The following MRGPRE variants were observed in gnomAD, a reference collection of about 807,000 sequenced individuals.
The protein encoded by MRGPRE is MAS related GPR family member E.
For missense variants in MRGPRE, 466 were observed against 433.4 expected, an observed-to-expected ratio of 1.08 and a Z score of -0.67; for synonymous variants, 229 against 206.7, an observed-to-expected ratio of 1.11 and a Z score of -0.92.
At position 3,231,846 on chromosome 11, in the gene MRGPRE, A is replaced by G. The variant is rs1157621651; in HGVS notation, c.-62+295T>C. Among the ~76,000 whole-genome samples the G allele has an allele frequency of 6.6e-6, 1 of 151,672 alleles. No individual in the cohort carries two copies. The highest frequency in any genetic ancestry group is 1.5e-5 in the Non-Finnish European group (1 of 67,880). On this transcript the variant is annotated intron_variant, in intron 1 of 1. Transcript: ENST00000389832. This position sits in a 1 kb window ranked among gnomAD's most constrained non-coding sequence, Gnocchi z 4.7. ...AGTCTGCACCTGCAGGGAACACTCT[A>G]GATCATGGAGGAAGCAAGGCAGACA... is the stretch of plus-strand genomic sequence containing the variant.
rs548949530 is a variant in MRGPRE at position 3,231,576 on chromosome 11, C to A, written c.-62+565G>T. Among the ~76,000 whole-genome samples the A allele has an allele frequency of 1.2e-5, 1 of 84,494 alleles. No homozygotes were observed. Among genetic ancestry groups the A allele is most frequent in the Non-Finnish European group, 2.2e-5 (1 of 44,674 alleles). 55.4% of individuals were successfully genotyped at this position (84,494 alleles called of 152,430 possible). A position where few individuals can be genotyped will look rare whatever the true frequency, so the allele number is the denominator to read the frequency against. On this transcript the variant is annotated intron_variant, in intron 1 of 1. Transcript: ENST00000389832. This position sits in a 1 kb window ranked among gnomAD's most constrained non-coding sequence, Gnocchi z 4.7. Reference sequence around the variant, plus strand: ...GAGGGAGGAGAAGGAGGGGAGGAGGCGGGGGAGGACGATGGAAGAGAACAG... The same window carrying A: ...GAGGGAGGAGAAGGAGGGGAGGAGGAGGGGGAGGACGATGGAAGAGAACAG...
rs1416019620 is a variant in MRGPRE, at chr11:3,225,549, G to A, written c.*2312C>T. Among the ~76,000 whole-genome samples, 3 of 152,174 alleles carry A rather than the reference G, an allele frequency of 2.0e-5. No individual in the cohort carries two copies. The highest frequency in any genetic ancestry group is 6.5e-5 in the Admixed American group (1 of 15,288). On this transcript the variant is annotated 3_prime_UTR_variant, in exon 2 of 2. Transcript: ENST00000389832. The stretch of plus-strand genomic sequence containing the variant: ...TGCAGCGGGGGAGGTCAGAGGAGGC[G>A]CAGGCTGGGCAGGGGCAGGTGGGAG...
rs1022310370 is a variant in MRGPRE at position 3,225,540 on chromosome 11, AGAG to A, written c.*2318_*2320del. 5.9e-5 allele frequency among the ~76,000 whole-genome samples: 9 copies of A among 152,130 alleles called. No homozygotes were observed. Among genetic ancestry groups the A allele is most frequent in the Non-Finnish European group, 1.2e-4 (8 of 68,002 alleles). On this transcript the variant is annotated 3_prime_UTR_variant, in exon 2 of 2. Transcript: ENST00000389832. ...AAGAGGAGGTGCAGCGGGGGAGGTC[AGAG>A]GAGGCGCAGGCTGGGCAGGGGCAGG...
Position 3,228,200 on chromosome 11 carries a change from C to A in MRGPRE, c.600G>T (p.Leu200=), listed in dbSNP as rs769444901. Residue 200 remains leucine, a synonymous_variant, in exon 2 of 2, where the codon CTG becomes CTT. Transcript: ENST00000389832. ...CTMCGASLML[L]LRVERGPQRP... ...GCTGGGGGCCTCGCTCCACCCGCAG[C>A]AGCAGCATAAGGCTGGCCCCACACA... is the stretch of plus-strand genomic sequence containing the variant. 1.9e-5 allele frequency: 29 copies of A among 1,559,776 alleles called. No individual in the cohort carries two copies. The highest frequency in any genetic ancestry group is 2.5e-5 in the Non-Finnish European group (29 of 1,152,258).
Position 3,228,682 on chromosome 11 carries a change from G to A in MRGPRE, c.118C>T (p.Leu40=). 3 of 1,614,046 alleles carry A rather than the reference G, an allele frequency of 1.9e-6. No homozygotes were observed. The highest frequency in any genetic ancestry group is 1.1e-5 in the South Asian group (1 of 91,086). ...AGCCAGAGGACTGCCCCATTCCCCA[G>A]CAGCCCACCGAGGCCGAGCCCCTCG... The part of the protein sequence containing the change: ...LTEGLGLGGL[L]GNGAVLWLLS... The change falls in exon 2 of 2, where the codon CTG becomes TTG. Residue 40 remains leucine, a synonymous_variant. Transcript: ENST00000389832.
rs1461850883 is a variant in MRGPRE at position 3,225,192 on chromosome 11, G to T, written c.*2669C>A. 6.6e-6 allele frequency among the ~76,000 whole-genome samples: 1 copy of T among 152,242 alleles called. No homozygotes were observed. The highest frequency in any genetic ancestry group is 2.4e-5 in the African/African-American group (1 of 41,462). The stretch of plus-strand genomic sequence containing the variant: ...GAGGGGATAGGGAAGCTGGCCGCAG[G>T]CCTGTCTCCGCTCCTGTCCTCACAC... On this transcript the variant is annotated 3_prime_UTR_variant, in exon 2 of 2. Transcript: ENST00000389832.
chr11:3,228,829 G>C lies in MRGPRE; in HGVS notation c.-30C>G, dbSNP rs1024306902. On this transcript the variant is annotated 5_prime_UTR_variant, in exon 2 of 2. Coordinates refer to ENST00000389832, the MANE Select transcript of MRGPRE (RefSeq NM_001039165.4). The stretch of plus-strand genomic sequence containing the variant: ...CGGGGGGCCAGGGGATGCTGCAGGA[G>C]TGTGTTCTGCTCGCTCTCTCTCCTG... 4 of 1,546,404 alleles carry C rather than the reference G, an allele frequency of 2.6e-6. No homozygotes were observed. The highest frequency in any genetic ancestry group is 2.3e-5 in the East Asian group (1 of 44,128).
In MRGPRE at chr11:3,231,042, C is replaced by A. The variant is rs531725070; in HGVS notation, c.-62+1099G>T. On this transcript the variant is annotated intron_variant, in intron 1 of 1. Coordinates refer to ENST00000389832, the MANE Select transcript of MRGPRE (RefSeq NM_001039165.4). This position sits in a 1 kb window ranked among gnomAD's most constrained non-coding sequence, Gnocchi z 4.7. Reference sequence around the variant, plus strand: ...AGGTCTTAAGTCTGTTGATGGTGGACCCCCTCCCAGGCACAAGTCCCGTCC... The same window carrying A: ...AGGTCTTAAGTCTGTTGATGGTGGAACCCCTCCCAGGCACAAGTCCCGTCC... 6.6e-6 allele frequency among the ~76,000 whole-genome samples: 1 copy of A among 152,070 alleles called. No individual in the cohort carries two copies. Among genetic ancestry groups the A allele is most frequent in the East Asian group, 1.9e-4 (1 of 5,136 alleles).
In MRGPRE at chr11:3,227,158, T is replaced by G. The variant is rs1253377499; in HGVS notation, c.*703A>C. Among the ~76,000 whole-genome samples, 3 of 152,100 alleles carry G rather than the reference T, an allele frequency of 2.0e-5. No individual in the cohort carries two copies. The highest frequency in any genetic ancestry group is 4.8e-5 in the African/African-American group (2 of 41,418). ...GTGGGGAGACAGGGCTGCAGGCTGCTGGGTGGGGCTGTAAGAAGCCTCTCC... is the reference window on the plus strand; with the variant it reads ...GTGGGGAGACAGGGCTGCAGGCTGCGGGGTGGGGCTGTAAGAAGCCTCTCC... On this transcript the variant is annotated 3_prime_UTR_variant, in exon 2 of 2. Transcript: ENST00000389832.
In MRGPRE at chr11:3,231,206, G is replaced by A. The variant is rs113958984; in HGVS notation, c.-62+935C>T. Among the ~76,000 whole-genome samples the A allele has an allele frequency of 0.012, 1,873 of 152,132 alleles. 42 individuals carry two copies. Among genetic ancestry groups the A allele is most frequent in the African/African-American group, 0.041 (1,721 of 41,496 alleles). On this transcript the variant is annotated intron_variant, in intron 1 of 1. Transcript: ENST00000389832. This position sits in a 1 kb window ranked among gnomAD's most constrained non-coding sequence, Gnocchi z 4.7. ...CCTCCTGCATGGCTGAGGAGGACACGGGCCTCATGGGTGGGCCCCAGGGAG... is the reference window on the plus strand; with the variant it reads ...CCTCCTGCATGGCTGAGGAGGACACAGGCCTCATGGGTGGGCCCCAGGGAG...
Position 3,225,112 on chromosome 11 carries a change from C to G in MRGPRE, c.*2749G>C, listed in dbSNP as rs1360901550. On this transcript the variant is annotated 3_prime_UTR_variant, in exon 2 of 2. Coordinates refer to ENST00000389832, the MANE Select transcript of MRGPRE (RefSeq NM_001039165.4). ...GCTGAGGAGTGAGCCTGCCTCTCCC[C>G]GTGAAGACGCCATGCAGCGCAGGCT... is the stretch of plus-strand genomic sequence containing the variant. Among the ~76,000 whole-genome samples, 2 of 152,268 alleles carry G rather than the reference C, an allele frequency of 1.3e-5. No homozygotes were observed. The highest frequency in any genetic ancestry group is 6.5e-5 in the Admixed American group (1 of 15,290).
rs1353328269 is a variant in MRGPRE, at chr11:3,229,502, T to G, written c.-61-642A>C. 6.6e-6 allele frequency among the ~76,000 whole-genome samples: 1 copy of G among 152,196 alleles called. No individual in the cohort carries two copies. Among genetic ancestry groups the G allele is most frequent in the African/African-American group, 2.4e-5 (1 of 41,436 alleles). Reference sequence around the variant, plus strand: ...GGACTCCCAAAGAATAAAATATGACTTATTTTAAAGTCATAGGCAGAGCAG... The same window carrying G: ...GGACTCCCAAAGAATAAAATATGACGTATTTTAAAGTCATAGGCAGAGCAG... On this transcript the variant is annotated intron_variant, in intron 1 of 1. Transcript: ENST00000389832. This position sits in a 1 kb window ranked among gnomAD's most constrained non-coding sequence, Gnocchi z 4.4.
In MRGPRE at chr11:3,230,802, G is replaced by A. The variant is rs181800586; in HGVS notation, c.-62+1339C>T. On this transcript the variant is annotated intron_variant, in intron 1 of 1. Transcript: ENST00000389832. The surrounding 1 kb of genome is among the most constrained non-coding windows in gnomAD (Gnocchi z 5.5). ...GCTCCATCCTAGCACCCAAGGCCCC[G>A]GGAAGGCAGACCATGGGTGGGAGGT... 1.8e-3 allele frequency among the ~76,000 whole-genome samples: 270 copies of A among 152,278 alleles called. 1 individual carries two copies. The highest frequency in any genetic ancestry group is 5.9e-3 in the African/African-American group (246 of 41,552).
At position 3,231,520 on chromosome 11, in the gene MRGPRE, G is replaced by C. The variant is rs1052314280; in HGVS notation, c.-62+621C>G. Reference sequence around the variant, plus strand: ...AGGACTGTGGGGAGTAGAGGAGTTTGTTGCATCCTTGGTGAGCAGGAGGAA... The same window carrying C: ...AGGACTGTGGGGAGTAGAGGAGTTTCTTGCATCCTTGGTGAGCAGGAGGAA... On this transcript the variant is annotated intron_variant, in intron 1 of 1. Transcript: ENST00000389832. The surrounding 1 kb of genome is among the most constrained non-coding windows in gnomAD (Gnocchi z 4.7). Among the ~76,000 whole-genome samples, 1 of 151,280 alleles carries C rather than the reference G, an allele frequency of 6.6e-6. No homozygotes were observed. Among genetic ancestry groups the C allele is most frequent in the East Asian group, 2.0e-4 (1 of 5,110 alleles).
rs1484907280 is a variant in MRGPRE at position 3,229,713 on chromosome 11, C to T, written c.-61-853G>A. 6.6e-6 allele frequency among the ~76,000 whole-genome samples: 1 copy of T among 152,216 alleles called. No individual in the cohort carries two copies. Among genetic ancestry groups the T allele is most frequent in the Non-Finnish European group, 1.5e-5 (1 of 68,034 alleles). ...CTCCAGCTTGGTCACACCATGCAGC[C>T]ACATCAGGGCCACAGGAAAACTCCC... On this transcript the variant is annotated intron_variant, in intron 1 of 1. Coordinates refer to ENST00000389832, the MANE Select transcript of MRGPRE (RefSeq NM_001039165.4). The surrounding 1 kb of genome is among the most constrained non-coding windows in gnomAD (Gnocchi z 4.4).
rs11026022 is a variant in MRGPRE at position 3,225,814 on chromosome 11, A to G, written c.*2047T>C. Among the ~76,000 whole-genome samples, 62,431 of 152,150 alleles carry G rather than the reference A, an allele frequency of 0.41. 13,036 individuals carry two copies. The highest frequency in any genetic ancestry group is 0.45 in the Admixed American group (6,858 of 15,290). On this transcript the variant is annotated 3_prime_UTR_variant, in exon 2 of 2. Coordinates refer to ENST00000389832, the MANE Select transcript of MRGPRE (RefSeq NM_001039165.4). The stretch of plus-strand genomic sequence containing the variant: ...GAGGCCACATTTCCCGGACTCCTCG[A>G]GAAGGGGCTAATAAGGAGGAATCTA...
chr11:3,226,569 G>C lies in MRGPRE; in HGVS notation c.*1292C>G, dbSNP rs959364502. Among the ~76,000 whole-genome samples, 3 of 152,188 alleles carry C rather than the reference G, an allele frequency of 2.0e-5. No individual in the cohort carries two copies. Among genetic ancestry groups the C allele is most frequent in the African/African-American group, 7.2e-5 (3 of 41,432 alleles). The stretch of plus-strand genomic sequence containing the variant: ...GGGCCCGGTGCAGCCGGATTCCAGG[G>C]TGCTGACCAGGGATCTGCGACTCAC... On this transcript the variant is annotated 3_prime_UTR_variant, in exon 2 of 2. Transcript: ENST00000389832.
At position 3,230,585 on chromosome 11, in the gene MRGPRE, TTGAC is replaced by T. The variant is rs1564891535; in HGVS notation, c.-62+1552_-62+1555del. Among the ~76,000 whole-genome samples, 1 of 152,004 alleles carries T rather than the reference TTGAC, an allele frequency of 6.6e-6. No homozygotes were observed. Among genetic ancestry groups the T allele is most frequent in the African/African-American group, 2.4e-5 (1 of 41,394 alleles). ...CACCCTCAGCTCTGTGGTCTTTTGT[TTGAC>T]TGGGGTGAAATGACAGCCTGAGGTT... On this transcript the variant is annotated intron_variant, in intron 1 of 1. Transcript: ENST00000389832. The surrounding 1 kb of genome is among the most constrained non-coding windows in gnomAD (Gnocchi z 5.5).
Position 3,225,044 on chromosome 11 carries a change from T to G in MRGPRE, c.*2817A>C, listed in dbSNP as rs1847743712. On this transcript the variant is annotated 3_prime_UTR_variant, in exon 2 of 2. Coordinates refer to ENST00000389832, the MANE Select transcript of MRGPRE (RefSeq NM_001039165.4). The stretch of plus-strand genomic sequence containing the variant: ...TAAAGCCGTGGTCATGTTTTAAGTG[T>G]GATGTTTGGTTTTATTTTTCCAGCG... Among the ~76,000 whole-genome samples, 1 of 152,158 alleles carries G rather than the reference T, an allele frequency of 6.6e-6. No individual in the cohort carries two copies. The highest frequency in any genetic ancestry group is 6.5e-5 in the Admixed American group (1 of 15,290).
Sources: allele counts gnomAD v4.1 joint callset (sites outside exome capture counted in the v4.1 genomes callset), GRCh38; gene constraint gnomAD v4.1.1; non-coding constraint Gnocchi (gnomAD v3.1); transcripts MANE v1.5; gene names NCBI Gene and HGNC (gene_info 2026-07-23, HGNC 2026-07-21).